Variants in HMCN1 observed in about 807,000 individuals in gnomAD.
HMCN1 encodes hemicentin-1.
A neutral mutation model predicts 625.9 loss-of-function variants in HMCN1; 321 were observed. The observed-to-expected ratio is 0.51, with a 90% CI of 0.47 to 0.56. HMCN1 has a LOEUF of 0.56. Ranked by LOEUF, HMCN1 falls within the 20% of genes least tolerant of loss-of-function variation. The pLI, the probability that HMCN1 is intolerant of heterozygous loss-of-function variation, is 0.00. For missense variants in HMCN1, 6,588 were observed against 6,887.3 expected (o/e 0.96, Z 1.54); for synonymous variants, 2,425 against 2,417.6 (o/e 1.00, Z -0.09).
chr1:185,864,422 A>G, intron 2 of HMCN1, 48 bp from the exon 3 acceptor site: 2 of 1,591,716 alleles, frequency 1.3e-6, no homozygotes, highest in Non-Finnish European at 8.6e-7. Context: ...CAAAATATTC[A>G]ATTGTTTTTG....
chr1:186,145,360 T>A (rs1321237369), intron 91 of HMCN1, 43 bp from the exon 92 acceptor site: 1 of 1,512,028 alleles, frequency 6.6e-7, no homozygotes. Flanking sequence ...CCACTTCTCA[T>A]TTTAGGGGCT....
intron 1 of HMCN1, among the ~76,000 whole-genome samples, chr1:185,774,724 C>A (rs935458213): frequency 2.6e-5 from 4 of 152,062 alleles, no homozygotes; most frequent in African/African-American, 9.7e-5. Flanking sequence ...AATAGATTAA[C>A]TGGTAAAGTA....
chr1:185,800,052 C>T (rs978342734), intron 1 of HMCN1, among the ~76,000 whole-genome samples: 4 of 152,182 alleles, frequency 2.6e-5, no homozygotes, highest in Admixed American at 2.0e-4. Context: ...TTCTAGTGTG[C>T]AGCAGAGGTG....
At chr1:185,903,250 AC>A (rs1665915543) in intron 4 of HMCN1, among the ~76,000 whole-genome samples, 2 of 151,682 alleles carry the variant, frequency 1.3e-5, no homozygotes, top group Admixed American at 6.6e-5. Flanking sequence ...GTATTATAAA[AC>A]TTTGATCATG....
chr1:185,952,321 G>A (rs981146025), intron 11 of HMCN1, among the ~76,000 whole-genome samples: 5 of 151,800 alleles, frequency 3.3e-5, no homozygotes, highest in Admixed American at 2.6e-4. Context: ...GGCTGAGGAA[G>A]AATTGGGACC....
intron 1 of HMCN1, among the ~76,000 whole-genome samples, chr1:185,803,990 T>C (rs1041274605): frequency 3.3e-5 from 5 of 152,082 alleles, no homozygotes; most frequent in African/African-American, 1.2e-4. Context: ...TCTTTATTTT[T>C]GAAATATTCC....
At chr1:185,922,347 T>C (rs1475438510) in intron 6 of HMCN1, 32 bp from the exon 7 acceptor site, 1 of 1,612,160 alleles carries the variant, frequency 6.2e-7, no homozygotes, top group African/African-American at 1.3e-5. Context: ...CTGGATCAAC[T>C]GCTGACCAGG....
At chr1:185,784,484 C>T (rs534439170) in intron 1 of HMCN1, among the ~76,000 whole-genome samples, 14 of 152,188 alleles carry the variant, frequency 9.2e-5, no homozygotes, top group Admixed American at 4.6e-4. Flanking sequence ...CCTGTTCGGC[C>T]ATCTTGGAAC....
At chr1:185,827,488 G>A (rs1264497660) in intron 1 of HMCN1, among the ~76,000 whole-genome samples, 2 of 152,024 alleles carry the variant, frequency 1.3e-5, no homozygotes, top group Non-Finnish European at 2.9e-5. Context: ...AAAGTTGGCA[G>A]GAGCACAAGA....
chr1:185,962,596 C>A lies in HMCN1; in HGVS notation c.1907C>A (p.Thr636Lys). 1 of 1,596,380 alleles carries A rather than the reference C, an allele frequency of 6.3e-7. No homozygotes were observed. The highest frequency in any genetic ancestry group is 8.6e-7 in the Non-Finnish European group (1 of 1,163,878). Residue 636 changes from threonine (T) to lysine (K), a missense_variant, in exon 12 of 107, where the codon ACA (threonine) becomes AAA (lysine). Thr to Lys is a moderately conservative substitution (Grantham distance 78). Coordinates refer to ENST00000271588, the MANE Select transcript of HMCN1 (RefSeq NM_031935.3). ...GAGGTCTCCATCATGTGTTCTGCAACAGGTTATCCCAAACCAAAGATTGCC... is the reference window on the plus strand; with the variant it reads ...GAGGTCTCCATCATGTGTTCTGCAAAAGGTTATCCCAAACCAAAGATTGCC... ...GSEVSIMCSA[T>K]GYPKPKIAWT...
intron 3 of HMCN1, among the ~76,000 whole-genome samples, chr1:185,865,499 C>A (rs1300000948): frequency 6.6e-6 from 1 of 151,276 alleles, no homozygotes; most frequent in East Asian, 2.0e-4. Flanking sequence ...CAGCTTTTAG[C>A]CTACACTTCT....
chr1:186,103,135 T>TAA (rs529838009), intron 68 of HMCN1, among the ~76,000 whole-genome samples: 2 of 147,742 alleles, frequency 1.4e-5, no homozygotes, highest in African/African-American at 4.9e-5. Flanking sequence ...TAAGTCCCTC[T>TAA]AAAAAAAAAA....
At chr1:185,784,625 A>C (rs1474871247) in intron 1 of HMCN1, among the ~76,000 whole-genome samples, 1 of 152,070 alleles carries the variant, frequency 6.6e-6, no homozygotes, top group Admixed American at 6.6e-5. Flanking sequence ...GACTTGGTGG[A>C]AATTTCTGAA....
intron 1 of HMCN1, among the ~76,000 whole-genome samples, chr1:185,823,083 A>G (rs1325298694): frequency 1.3e-5 from 2 of 152,008 alleles, no homozygotes; most frequent in Admixed American, 1.3e-4. Flanking sequence ...TTTTTCAGAC[A>G]TTATATCATG....
At chr1:185,742,484 A>G (rs916820567) in intron 1 of HMCN1, among the ~76,000 whole-genome samples, 2 of 152,120 alleles carry the variant, frequency 1.3e-5, no homozygotes, top group Non-Finnish European at 1.5e-5. Context: ...ATCATTTGAA[A>G]CCATAATGAA....
At chr1:185,876,321 A>G (rs1663928589) in intron 4 of HMCN1, among the ~76,000 whole-genome samples, 1 of 152,024 alleles carries the variant, frequency 6.6e-6, no homozygotes, top group Admixed American at 6.6e-5. Flanking sequence ...TCCATTGATG[A>G]ACGCTTTGGT....
chr1:186,000,309 C>T, intron 26 of HMCN1, 70 bp downstream of exon 26: 4 of 1,130,654 alleles, frequency 3.5e-6, no homozygotes, highest in East Asian at 2.5e-5. Context: ...AAATTATTCT[C>T]TCAGTGTAAT....
intron 17 of HMCN1, among the ~76,000 whole-genome samples, chr1:185,981,420 G>A (rs1339543310): frequency 5.3e-5 from 8 of 151,862 alleles, no homozygotes; most frequent in Non-Finnish European, 1.5e-5. Context: ...TTATTTTTGT[G>A]TATGATAGGT....
chr1:186,028,942 A>T (rs1655238261), intron 36 of HMCN1, among the ~76,000 whole-genome samples: 1 of 151,372 alleles, frequency 6.6e-6, no homozygotes, highest in Non-Finnish European at 1.5e-5. Flanking sequence ...GCCCAGGCTG[A>T]TCTCGAACTC....
Sources: gnomAD v4.1 joint callset for allele counts (sites outside exome capture counted in the v4.1 genomes callset) on GRCh38, gnomAD v4.1.1 for gene constraint, MANE v1.5 for transcripts, NCBI Gene and HGNC (gene_info 2026-07-23, HGNC 2026-07-21) for gene names.